SF3B1: variants seen among roughly 807,000 people sequenced by gnomAD.
SF3B1 encodes pre-mRNA processing 10.
A neutral mutation model predicts 153.8 loss-of-function variants in SF3B1; 12 were observed. The ratio of observed to expected loss-of-function variants is 0.08; its 90% CI spans 0.05 to 0.13. The LOEUF is 0.13. Ranked by LOEUF, SF3B1 falls within the 10% of genes least tolerant of loss-of-function variation. The pLI, the probability that SF3B1 is intolerant of heterozygous loss-of-function variation, is 1.00. For missense variants in SF3B1, 513 were observed against 1,606.1 expected (o/e 0.32, Z 11.63); for synonymous variants, 498 against 525.2 (o/e 0.95, Z 0.71).
chr2:197,403,871 C>T (rs1434719419), intron 11 of SF3B1, 107 bp from the exon 12 acceptor site: 1 of 777,916 alleles, frequency 1.3e-6, no homozygotes, highest in Non-Finnish European at 2.0e-6. Flanking sequence ...TTAGTGTTTA[C>T]TTTTACACAC....
chr2:197,407,805 A>T, intron 9 of SF3B1, 193 bp downstream of exon 9: 1 of 486,076 alleles, frequency 2.1e-6, no homozygotes, highest in East Asian at 3.5e-5. Context: ...TGTCTTTCAA[A>T]AAGTAATAAA....
At chr2:197,412,004 G>A (rs1329911354) in intron 6 of SF3B1, among the ~76,000 whole-genome samples, 2 of 151,700 alleles carry the variant, frequency 1.3e-5, no homozygotes, top group African/African-American at 2.4e-5. Flanking sequence ...CAGCTACTCA[G>A]GAGGGTGAGG....
At chr2:197,420,972 C>T (rs2106011184) in intron 3 of SF3B1, 57 bp downstream of exon 3, 2 of 1,052,326 alleles carry the variant, frequency 1.9e-6, no homozygotes, top group Admixed American at 2.1e-5. Flanking sequence ...TCTATGGGAA[C>T]TCAGACATTC....
chr2:197,401,447 G>T lies in SF3B1; in HGVS notation c.2449C>A (p.His817Asn). ...AAAGCCATCCTGTGCTGCCAGAAGT[G>T]TTTAAAAAAGGGAGGAAGAATCTCT... is the stretch of plus-strand genomic sequence containing the variant. ...KTEILPPFFK[H>N]FWQHRMALDR... The change falls in exon 17 of 25, where the codon CAC becomes AAC. Residue 817 changes from histidine to asparagine, a missense_variant. Coordinates refer to ENST00000335508, the MANE Select transcript of SF3B1 (RefSeq NM_012433.4). This position sits in a 1 kb window ranked among gnomAD's most constrained non-coding sequence, Gnocchi z 4.2. 2 of 1,612,338 alleles carry T rather than the reference G, an allele frequency of 1.2e-6. No individual in the cohort carries two copies. Among genetic ancestry groups the T allele is most frequent in the Non-Finnish European group, 1.7e-6 (2 of 1,179,014 alleles).
rs2084804852 is a variant in SF3B1, at chr2:197,390,988, T to C, written c.*1315A>G. ...ACTTACAGTAGTAGTTATATACTAA[T>C]GCTGCTTGCAGAATTTTTTTTCCCT... On this transcript the variant is annotated 3_prime_UTR_variant, in exon 25 of 25. Transcript: ENST00000335508. 1 of 152,198 alleles carries C rather than the reference T, an allele frequency of 6.6e-6. No individual in the cohort carries two copies. Among genetic ancestry groups the C allele is most frequent in the Admixed American group, 6.5e-5 (1 of 15,272 alleles). 9.4% of individuals were successfully genotyped at this position (152,198 alleles called of 1,614,324 possible).
intron 4 of SF3B1, chr2:197,419,308 T>TTTAAA: frequency 3.6e-6 from 1 of 277,970 alleles, no homozygotes; most frequent in African/African-American, 2.2e-5. Context: ...CAAAGAGATG[T>TTTAAA]GTCAGTCTCT....
chr2:197,423,948 G>C lies in SF3B1; in HGVS notation c.55C>G (p.Gln19Glu), dbSNP rs1222778757. Residue 19 changes from glutamine (Q) to glutamate (E), a missense_variant, in exon 2 of 25, where the codon CAA becomes GAA. By Grantham distance (29) the Gln-to-Glu change is conservative. Transcript: ENST00000335508. ...EDIEAQIREI[Q>E]GKKAALDEAQ... ...TCATCAAGAGCTGCCTTCTTGCCTT[G>C]AATTTCTCGAATCTGTGCTTCAATA... is the stretch of plus-strand genomic sequence containing the variant. The C allele has an allele frequency of 6.2e-7, 1 of 1,610,024 alleles. No individual in the cohort carries two copies. The highest frequency in any genetic ancestry group is 1.7e-5 in the Admixed American group (1 of 58,800).
At position 197,391,555 on chromosome 2, in the gene SF3B1, T is replaced by C. The variant is rs1053960568; in HGVS notation, c.*748A>G. 4 of 152,254 alleles carry C rather than the reference T, an allele frequency of 2.6e-5. No homozygotes were observed. Among genetic ancestry groups the C allele is most frequent in the Admixed American group, 1.3e-4 (2 of 15,280 alleles). 9.4% of individuals were successfully genotyped at this position (152,254 alleles called of 1,614,324 possible). The stretch of plus-strand genomic sequence containing the variant: ...CACTCCTAATAGGCAGAAAGCAGTT[T>C]TGAAGTAAAGTTAAATTCCTCACTT... On this transcript the variant is annotated 3_prime_UTR_variant, in exon 25 of 25. Coordinates refer to ENST00000335508, the MANE Select transcript of SF3B1 (RefSeq NM_012433.4).
intron 2 of SF3B1, among the ~76,000 whole-genome samples, chr2:197,422,511 C>G (rs1285242324): frequency 6.6e-6 from 1 of 151,882 alleles, no homozygotes; most frequent in Non-Finnish European, 1.5e-5. Flanking sequence ...CATACGTAAC[C>G]TGCACATTGT....
chr2:197,392,250 G>T lies in SF3B1; in HGVS notation c.*53C>A. Reference sequence around the variant, plus strand: ...TAAAAGTTTACATCACCAAATCAAAGCAAGTTTAAGGTGTGAAGTAGCTGT... The same window carrying T: ...TAAAAGTTTACATCACCAAATCAAATCAAGTTTAAGGTGTGAAGTAGCTGT... On this transcript the variant is annotated 3_prime_UTR_variant, in exon 25 of 25. Coordinates refer to ENST00000335508, the MANE Select transcript of SF3B1 (RefSeq NM_012433.4). 1 of 764,494 alleles carries T rather than the reference G, an allele frequency of 1.3e-6. No individual in the cohort carries two copies. The highest frequency in any genetic ancestry group is 2.3e-6 in the Non-Finnish European group (1 of 441,204). The allele number at this position is 764,494 out of a possible 1,614,324, so 47.4% of individuals were successfully genotyped here.
Position 197,400,488 on chromosome 2 carries a change from T to C in SF3B1, c.2719-54A>G, listed in dbSNP as rs533494489. 14 of 1,439,580 alleles carry C rather than the reference T, an allele frequency of 9.7e-6. No homozygotes were observed. Among genetic ancestry groups the C allele is most frequent in the African/African-American group, 1.4e-5 (1 of 69,500 alleles). The allele number at this position is 1,439,580 out of a possible 1,614,324, so 89.2% of individuals were successfully genotyped here. ...ATTCATTTGGTTTATGACTGCACAG[T>C]TGAAATACACTAAGAGTCAACCTTT... On this transcript the variant is annotated intron_variant, in intron 18 of 24. Coordinates refer to ENST00000335508, the MANE Select transcript of SF3B1 (RefSeq NM_012433.4). The surrounding 1 kb of genome is among the most constrained non-coding windows in gnomAD (Gnocchi z 5.0).
intron 6 of SF3B1, among the ~76,000 whole-genome samples, chr2:197,415,137 A>G (rs1559272046): frequency 6.6e-6 from 1 of 150,770 alleles, no homozygotes; most frequent in Non-Finnish European, 1.5e-5. Flanking sequence ...ACAAAGCACG[A>G]TAAAACATGT....
chr2:197,402,521 A>G lies in SF3B1; in HGVS notation c.2077+35T>C. ...ATAGTAAGACCCTGTCTCCTAAAGA[A>G]AAAAAAAAAAAGACAAAGTTACATT... is the stretch of plus-strand genomic sequence containing the variant. On this transcript the variant is annotated intron_variant, in intron 14 of 24. Coordinates refer to ENST00000335508, the MANE Select transcript of SF3B1 (RefSeq NM_012433.4). This position sits in a 1 kb window ranked among gnomAD's most constrained non-coding sequence, Gnocchi z 4.6. 1 of 1,452,092 alleles carries G rather than the reference A, an allele frequency of 6.9e-7. No individual in the cohort carries two copies. Among genetic ancestry groups the G allele is most frequent in the Non-Finnish European group, 9.4e-7 (1 of 1,064,486 alleles). The allele number at this position is 1,452,092 out of a possible 1,614,324, so 90.0% of individuals were successfully genotyped here.
chr2:197,400,194 G>T lies in SF3B1; in HGVS notation c.2902-28C>A. On this transcript the variant is annotated intron_variant, in intron 19 of 24. Transcript: ENST00000335508. The surrounding 1 kb of genome is among the most constrained non-coding windows in gnomAD (Gnocchi z 5.0). The stretch of plus-strand genomic sequence containing the variant: ...ATAATAAAACAAATAATGTTAAAAT[G>T]TTACTATTTACATTAAACTATTTGG... The T allele has an allele frequency of 6.2e-7, 1 of 1,606,194 alleles. No individual in the cohort carries two copies. The highest frequency in any genetic ancestry group is 8.5e-7 in the Non-Finnish European group (1 of 1,173,248).
intron 6 of SF3B1, among the ~76,000 whole-genome samples, chr2:197,415,290 T>C (rs767562686): frequency 2.6e-5 from 4 of 151,858 alleles, no homozygotes; most frequent in Non-Finnish European, 5.9e-5. Context: ...TCTCACTCTG[T>C]TGCCCAAGCT....
At chr2:197,411,146 T>C (rs753930849) in intron 6 of SF3B1, among the ~76,000 whole-genome samples, 5 of 152,128 alleles carry the variant, frequency 3.3e-5, no homozygotes, top group Non-Finnish European at 5.9e-5. Context: ...CTTACTATGC[T>C]GCCCAGGCTG....
chr2:197,395,937 G>A (rs185100540), intron 23 of SF3B1, 119 bp downstream of exon 23: 1 of 807,082 alleles, frequency 1.2e-6, no homozygotes, highest in Non-Finnish European at 2.0e-6. Context: ...AAGACTCCAG[G>A]CTAGCAATTT....
chr2:197,399,175 G>A (rs906252967), intron 20 of SF3B1: 9 of 1,016,672 alleles, frequency 8.9e-6, no homozygotes, highest in Non-Finnish European at 1.0e-5. Flanking sequence ...GCAAACCAGA[G>A]CCCTACAAGT....
In SF3B1 at chr2:197,400,417, G is replaced by A. The variant is rs761448866; in HGVS notation, c.2736C>T (p.Asn912=). ...GAGCATTAACCACTGTGCCAAAGCC[G>A]TTCAACATTACTGAGTCCTAAAAAA... is the stretch of plus-strand genomic sequence containing the variant. ...EQTTEDSVML[N]GFGTVVNALG... The change falls in exon 19 of 25, where the codon AAC becomes AAT. Residue 912 remains asparagine (N), a synonymous_variant. Transcript: ENST00000335508. The surrounding 1 kb of genome is among the most constrained non-coding windows in gnomAD (Gnocchi z 5.0). 8.7e-6 allele frequency: 14 copies of A among 1,606,780 alleles called. No homozygotes were observed. Among genetic ancestry groups the A allele is most frequent in the South Asian group, 4.5e-5 (4 of 88,926 alleles).
Sources: gnomAD v4.1 joint callset for allele counts (sites outside exome capture counted in the v4.1 genomes callset) on GRCh38, gnomAD v4.1.1 for gene constraint, Gnocchi (gnomAD v3.1) non-coding constraint, MANE v1.5 for transcripts, NCBI Gene and HGNC (gene_info 2026-07-23, HGNC 2026-07-21) for gene names.